TENM1: variants seen among roughly 807,000 people sequenced by gnomAD.
The protein encoded by TENM1 is teneurin transmembrane protein 1.
TENM1 carries 35 observed loss-of-function variants against 174.8 expected under a neutral mutation model. The ratio of observed to expected loss-of-function variants is 0.20; its 90% CI spans 0.15 to 0.27. The LOEUF is 0.27. Among genes scored for constraint, TENM1 ranks in the 10% least tolerant of loss-of-function variants. TENM1 has a pLI of 1.00. For missense variants in TENM1, 1,633 were observed against 2,130.1 expected (o/e 0.77, Z 4.59); for synonymous variants, 781 against 798.7 (o/e 0.98, Z 0.37).
chrX:124,587,837 T>C (rs2049585194), intron 11 of TENM1, among the ~76,000 whole-genome samples: 1 of 110,683 alleles, frequency 9.0e-6, no homozygotes, highest in African/African-American at 3.3e-5. Flanking sequence ...TCAAACAAAT[T>C]TACAAGAAAA....
intron 11 of TENM1, among the ~76,000 whole-genome samples, chrX:124,569,575 T>G (rs996411941): frequency 1.2e-4 from 13 of 112,244 alleles, no homozygotes; most frequent in Non-Finnish European, 2.1e-4. Flanking sequence ...AAGCCCAGTA[T>G]GAAATTAAAT....
At chrX:124,787,682 C>T (rs912858191) in intron 3 of TENM1, among the ~76,000 whole-genome samples, 2 of 111,901 alleles carry the variant, frequency 1.8e-5, no homozygotes, top group Non-Finnish European at 3.8e-5. Flanking sequence ...TAAGATTAGA[C>T]TAAAATATAA....
chrX:124,592,810 C>A (rs1158679948), intron 11 of TENM1, among the ~76,000 whole-genome samples: 1 of 106,304 alleles, frequency 9.4e-6, no homozygotes, highest in African/African-American at 3.5e-5. Flanking sequence ...CTCCCCCTCC[C>A]TAGGGGGTGT....
the TENM1 span, among the ~76,000 whole-genome samples, chrX:125,168,960 C>A: frequency 3.2e-4 from 35 of 109,535 alleles, no homozygotes; most frequent in Admixed American, 1.8e-3. Flanking sequence ...TGTTACACAG[C>A]CACAGAAAAC....
chrX:124,403,650 AACCTTAAGGTT>A (rs2060427129), intron 27 of TENM1, among the ~76,000 whole-genome samples: 1 of 111,398 alleles, frequency 9.0e-6, no homozygotes, highest in Non-Finnish European at 1.9e-5. Flanking sequence ...GCACTTCCAC[AACCTTAAGGTT>A]ACCAAATTTT....
chrX:124,571,957 A>AT (rs1171471978), intron 11 of TENM1, among the ~76,000 whole-genome samples: 1,827 of 102,863 alleles, frequency 0.018, 39 homozygotes, highest in African/African-American at 0.052. Flanking sequence ...GGAGAAAATG[A>AT]TTTTTTTTTT....
chrX:125,103,915 G>A, the TENM1 span, among the ~76,000 whole-genome samples: 3 of 111,984 alleles, frequency 2.7e-5, no homozygotes, highest in South Asian at 3.8e-4. Context: ...ACTTGAACCC[G>A]GAAGGCGGAG....
chrX:125,118,826 T>TA, the TENM1 span, among the ~76,000 whole-genome samples: 1 of 111,875 alleles, frequency 8.9e-6, no homozygotes, highest in African/African-American at 3.2e-5. Context: ...AACTCATATG[T>TA]AAAAAAGTAA....
chrX:124,975,038 C>T, the TENM1 span, among the ~76,000 whole-genome samples: 23 of 106,718 alleles, frequency 2.2e-4, no homozygotes, highest in Non-Finnish European at 2.9e-4. Context: ...TTTTTTGTAA[C>T]GGTGTAAATA....
intron 3 of TENM1, among the ~76,000 whole-genome samples, chrX:124,749,883 T>G (rs1244507587): frequency 8.9e-6 from 1 of 111,816 alleles, no homozygotes; most frequent in African/African-American, 3.2e-5. Flanking sequence ...TTATAGTATA[T>G]GTAAACAGCA....
At chrX:124,599,302 T>G (rs2049977229) in intron 11 of TENM1, among the ~76,000 whole-genome samples, 1 of 111,735 alleles carries the variant, frequency 8.9e-6, no homozygotes, top group Admixed American at 9.5e-5. Flanking sequence ...ATATAGGGAC[T>G]GCTGAAGGAT....
At chrX:124,836,555 A>T (rs145924000) in intron 3 of TENM1, among the ~76,000 whole-genome samples, 1,246 of 112,318 alleles carry the variant, frequency 0.011, 5 homozygotes, top group Middle Eastern at 0.023. Context: ...ATGCAGTACA[A>T]CCACCTAAAT....
chrX:125,005,446 T>C, the TENM1 span, among the ~76,000 whole-genome samples: 21 of 106,248 alleles, frequency 2.0e-4, no homozygotes, highest in African/African-American at 7.3e-4. Flanking sequence ...TGTGTGTGTA[T>C]TTTGTTTGTT....
At chrX:124,840,047 G>T (rs1037687830) in intron 3 of TENM1, among the ~76,000 whole-genome samples, 4 of 111,848 alleles carry the variant, frequency 3.6e-5, no homozygotes, top group African/African-American at 1.3e-4. Context: ...TCTTTCAAAT[G>T]ACGATAATAA....
chrX:124,434,493 A>T (rs1393504171), intron 23 of TENM1, among the ~76,000 whole-genome samples: 1 of 112,164 alleles, frequency 8.9e-6, no homozygotes, highest in Non-Finnish European at 1.9e-5. Context: ...CCTCAGAACA[A>T]TCAGCACGTA....
At chrX:124,966,114 G>C (rs981543687), upstream of TENM1, among the ~76,000 whole-genome samples, 28 of 111,624 alleles carry the variant, frequency 2.5e-4, no homozygotes, top group Admixed American at 8.6e-4. Context: ...AATCCAACCA[G>C]ATCTCTTCAA....
intron 22 of TENM1, among the ~76,000 whole-genome samples, chrX:124,464,404 G>T (rs1007545655): frequency 5.4e-4 from 60 of 111,928 alleles, no homozygotes; most frequent in African/African-American, 1.7e-3. Context: ...ACAAAAGTGG[G>T]GTAACTCAAG....
At chrX:124,588,124 T>C (rs190518191) in intron 11 of TENM1, among the ~76,000 whole-genome samples, 2,944 of 111,185 alleles carry the variant, frequency 0.026, 106 homozygotes, top group African/African-American at 0.092. Flanking sequence ...TTGTGGAAGT[T>C]AGTGTAGCGA....
chrX:124,472,002 A>G (rs1331783465), intron 22 of TENM1, among the ~76,000 whole-genome samples: 1 of 107,626 alleles, frequency 9.3e-6, no homozygotes, highest in Non-Finnish European at 1.9e-5. Flanking sequence ...GAAATCTTAA[A>G]AAACAATAAT....
Sources: gnomAD v4.1 joint callset for allele counts (sites outside exome capture counted in the v4.1 genomes callset) on GRCh38, gnomAD v4.1.1 for gene constraint, MANE v1.5 for transcripts, NCBI Gene and HGNC (gene_info 2026-07-23, HGNC 2026-07-21) for gene names.